The following DPP6 variants were observed in gnomAD, a reference collection of about 807,000 sequenced individuals.
The protein encoded by DPP6 is A-type potassium channel modulatory protein DPP6.
DPP6 carries 69 observed loss-of-function variants against 122.6 expected under a neutral mutation model. The ratio of observed to expected loss-of-function variants is 0.56; its 90% CI spans 0.46 to 0.69. The LOEUF (loss-of-function observed/expected upper bound fraction) is 0.69. Ranked by LOEUF, DPP6 falls within the 30% of genes least tolerant of loss-of-function variation. The pLI is 0.00. For missense variants in DPP6, 928 were observed against 1,116.9 expected, an observed-to-expected ratio of 0.83 and a Z score of 2.41; for synonymous variants, 418 against 433.1, an observed-to-expected ratio of 0.97 and a Z score of 0.43.
At chr7:153,839,708 G>A in the DPP6 span, among the ~76,000 whole-genome samples, 114 of 152,242 alleles carry the variant, frequency 7.5e-4, no homozygotes, top group African/African-American at 2.6e-3. Context: ...CTAAATCATC[G>A]CGTGCTCATG....
chr7:154,514,603 A>G (rs1316006819), intron 3 of DPP6, among the ~76,000 whole-genome samples: 1 of 151,800 alleles, frequency 6.6e-6, no homozygotes, highest in Non-Finnish European at 1.5e-5. Context: ...GAATTTGACT[A>G]CCCTGGGGAC....
chr7:154,292,469 A>G (rs1359279685), intron 1 of DPP6, among the ~76,000 whole-genome samples: 6 of 152,232 alleles, frequency 3.9e-5, no homozygotes, highest in African/African-American at 1.4e-4. Flanking sequence ...CACATAATTC[A>G]CTATGAAACC....
At chr7:154,540,491 T>G (rs1437850919) in intron 3 of DPP6, 41 bp from the exon 4 acceptor site, 1 of 1,264,372 alleles carries the variant, frequency 7.9e-7, no homozygotes. Context: ...GGAGAGTTCC[T>G]TGATGTTTCA....
At position 153,920,768 on chromosome 7, in the gene DPP6, C is replaced by G. The variant is rs890770566; in HGVS notation, c.51+33034C>G. On this transcript the variant is annotated intron_variant, in intron 1 of 25. Transcript: ENST00000404039. ...CAGAGATGGGGTTTCACCATGTTGG[C>G]CAGGCTGGTCTCGAACTCCTGACCT... 3.3e-4 allele frequency among the ~76,000 whole-genome samples: 50 copies of G among 151,896 alleles called. 2 individuals are homozygous for G. The highest frequency in any genetic ancestry group is 3.1e-3 in the Admixed American group (48 of 15,252).
chr7:154,307,935 A>T (rs1806504537), intron 1 of DPP6, among the ~76,000 whole-genome samples: 1 of 151,268 alleles, frequency 6.6e-6, no homozygotes, highest in African/African-American at 2.4e-5. Context: ...GTTTTGAAGC[A>T]GGGGGTCATT....
chr7:154,033,844 A>G (rs1018849180), intron 1 of DPP6, among the ~76,000 whole-genome samples: 2 of 112,468 alleles, frequency 1.8e-5, no homozygotes, highest in African/African-American at 4.2e-5. Context: ...ACACAAGAAC[A>G]AGTGTTTTTT....
intron 2 of DPP6, among the ~76,000 whole-genome samples, chr7:154,468,626 A>T (rs1563719425): frequency 6.6e-6 from 1 of 152,214 alleles, no homozygotes; most frequent in South Asian, 2.1e-4. Flanking sequence ...TATTTCCTGG[A>T]TCTAAAAGAA....
At chr7:153,808,224 C>T in the DPP6 span, among the ~76,000 whole-genome samples, 34 of 144,586 alleles carry the variant, frequency 2.4e-4, no homozygotes, top group African/African-American at 7.1e-4. Flanking sequence ...CCTGAGTGTG[C>T]GTGCCTGAGT....
intron 1 of DPP6, among the ~76,000 whole-genome samples, chr7:154,231,070 C>T (rs2150850479): frequency 6.6e-6 from 1 of 152,278 alleles, no homozygotes; most frequent in Non-Finnish European, 1.5e-5. Context: ...ACTGATTCTT[C>T]TTGCATATTG....
At chr7:154,386,368 CA>C (rs914256608) in intron 1 of DPP6, among the ~76,000 whole-genome samples, 6 of 151,638 alleles carry the variant, frequency 4.0e-5, no homozygotes, top group Admixed American at 3.9e-4. Flanking sequence ...GGATCGAGAA[CA>C]TTCAGAAAAG....
intron 1 of DPP6, among the ~76,000 whole-genome samples, chr7:154,294,757 A>G (rs1406789408): frequency 2.0e-5 from 3 of 152,032 alleles, no homozygotes; most frequent in Non-Finnish European, 2.9e-5. Context: ...TTTCTTGGGG[A>G]TACCTTTCCC....
At chr7:154,188,343 C>T (rs918207285) in intron 1 of DPP6, among the ~76,000 whole-genome samples, 4 of 151,964 alleles carry the variant, frequency 2.6e-5, no homozygotes, top group South Asian at 4.2e-4. Context: ...TTGGCTACAC[C>T]GAGGTCTAAT....
chr7:154,060,124 A>G (rs10227297), intron 1 of DPP6, among the ~76,000 whole-genome samples: 93,268 of 141,526 alleles, frequency 0.66, 30,953 homozygotes, highest in African/African-American at 0.78. Context: ...GCGGGACTGC[A>G]AACCTCCACC....
At chr7:154,028,559 G>T (rs28562591) in intron 1 of DPP6, among the ~76,000 whole-genome samples, 178 of 151,292 alleles carry the variant, frequency 1.2e-3, no homozygotes, top group Non-Finnish European at 2.2e-3. Flanking sequence ...TCCTCGGTGG[G>T]GCTGACACGC....
At chr7:153,826,138 G>T in the DPP6 span, among the ~76,000 whole-genome samples, 1 of 152,186 alleles carries the variant, frequency 6.6e-6, no homozygotes. Context: ...ATACCACTGG[G>T]AAACTGAACT....
At chr7:153,974,156 A>G (rs533192301) in intron 1 of DPP6, among the ~76,000 whole-genome samples, 1 of 152,156 alleles carries the variant, frequency 6.6e-6, no homozygotes, top group Non-Finnish European at 1.5e-5. Flanking sequence ...AGCACAAAGC[A>G]CTTGTTGGGC....
chr7:153,800,760 A>C, the DPP6 span, among the ~76,000 whole-genome samples: 9 of 151,432 alleles, frequency 5.9e-5, no homozygotes, highest in African/African-American at 1.9e-4. Flanking sequence ...CAAGTGATCT[A>C]CCCTCCTTGG....
chr7:154,870,180 T>C, intron 18 of DPP6, among the ~76,000 whole-genome samples: 1 of 140,154 alleles, frequency 7.1e-6, no homozygotes, highest in African/African-American at 2.7e-5. Context: ...AGACAGGGTC[T>C]CACTATGTTG....
intron 1 of DPP6, among the ~76,000 whole-genome samples, chr7:153,969,276 AT>A (rs199560614): frequency 0.051 from 7,174 of 141,426 alleles, 691 homozygotes; most frequent in African/African-American, 0.16. Context: ...AGATTCAGCC[AT>A]TTTTTTTTTC....
Sources: gnomAD v4.1 joint callset for allele counts (sites outside exome capture counted in the v4.1 genomes callset) on GRCh38, gnomAD v4.1.1 for gene constraint, MANE v1.5 for transcripts, NCBI Gene and HGNC (gene_info 2026-07-23, HGNC 2026-07-21) for gene names.